PCDHGA2: variants seen among roughly 807,000 people sequenced by gnomAD.
PCDHGA2 encodes the protein protocadherin gamma subfamily A, 2.
PCDHGA2 carries 40 observed loss-of-function variants against 59.2 expected under a neutral mutation model. The ratio of observed to expected loss-of-function variants is 0.68; its 90% confidence interval spans 0.52 to 0.88. The LOEUF is 0.88. Ranked by LOEUF, PCDHGA2 falls within the 40% of genes least tolerant of loss-of-function variation. PCDHGA2 has a pLI of 0.00. For synonymous variants in PCDHGA2, 560 were observed against 526.0 expected, an observed-to-expected ratio of 1.06 and a Z score of -0.89; for missense variants, 1,226 against 1,204.0, an observed-to-expected ratio of 1.02 and a Z score of -0.27.
chr5:141,412,020 C>G (rs1158851404), intron 1 of PCDHGA2: 1 of 145,358 alleles, frequency 6.9e-6, no homozygotes, highest in Non-Finnish European at 1.5e-5. Context: ...TCTGAACATC[C>G]TGTTCTCTGT....
chr5:141,378,991 T>C (rs530834817), intron 1 of PCDHGA2: 34 of 152,352 alleles, frequency 2.2e-4, no homozygotes, highest in African/African-American at 7.7e-4. Flanking sequence ...AACTACATTA[T>C]AGTCAAGATT....
intron 1 of PCDHGA2, chr5:141,357,307 G>C: frequency 6.2e-7 from 1 of 1,614,042 alleles, no homozygotes; most frequent in Non-Finnish European, 8.5e-7. Context: ...TGTCTCCTGC[G>C]TCTTCCTGGC....
intron 1 of PCDHGA2, chr5:141,392,647 C>A: frequency 1.5e-6 from 1 of 685,816 alleles, no homozygotes; most frequent in Non-Finnish European, 2.3e-6. Flanking sequence ...CTCACGAAGA[C>A]CCGCAGATGC....
At chr5:141,427,957 C>A in intron 1 of PCDHGA2, 2 of 1,588,400 alleles carry the variant, frequency 1.3e-6, no homozygotes, top group Non-Finnish European at 1.7e-6. Flanking sequence ...GACAATGTGC[C>A]GCGGGTGCTG....
Position 141,405,346 on chromosome 5 carries a change from G to T in PCDHGA2, c.2424+63951G>T, listed in dbSNP as rs184640789. 60 of 1,614,108 alleles carry T rather than the reference G, an allele frequency of 3.7e-5. No individual in the cohort carries two copies. The East Asian group carries it at 1.3e-3, about 35-fold the overall frequency. The stretch of plus-strand genomic sequence containing the variant: ...CTTTGTGCGTCTCTGTTGATTCCAA[G>T]TTTCCTATAGAAGACACCCCTTTGG... On this transcript the variant is annotated intron_variant, in intron 1 of 3. Transcript: ENST00000394576.
rs561329093 is a variant in PCDHGA2 at position 141,509,163 on chromosome 5, C to A, written c.2573-1784C>A. Among the ~76,000 whole-genome samples the A allele has an allele frequency of 1.4e-4, 21 of 152,322 alleles. No individual in the cohort carries two copies. In the South Asian group the frequency reaches 4.1e-3, roughly 30 times the overall value. On this transcript the variant is annotated intron_variant, in intron 3 of 3. Coordinates refer to ENST00000394576, the MANE Select transcript of PCDHGA2 (RefSeq NM_018915.4). ...CATCCCGGCTCTCCCCTCCCGTGTG[C>A]CCTCCTCCTCTTATGCCGGCTTGAA...
Position 141,419,699 on chromosome 5 carries a change from C to G in PCDHGA2, c.2425-75108C>G, listed in dbSNP as rs1488905080. ...CTACCACGTGGTGCAGGCCAGTGAG[C>G]CCGGGCTCTTCAGCCTGGGGCTGCG... On this transcript the variant is annotated intron_variant, in intron 1 of 3. Coordinates refer to ENST00000394576, the MANE Select transcript of PCDHGA2 (RefSeq NM_018915.4). The G allele has an allele frequency of 5.6e-6, 9 of 1,612,806 alleles. No homozygotes were observed. The East Asian group carries it at 1.8e-4, about 32-fold the overall frequency.
rs2233612 is a variant in PCDHGA2 at position 141,511,014 on chromosome 5, A to G, written c.2640A>G (p.Gly880=). 8.6e-4 allele frequency: 1,386 copies of G among 1,614,082 alleles called. 14 individuals are homozygous for G. The African/African-American group carries it at 0.017, about 20-fold the overall frequency. The change falls in exon 4 of 4, where the codon GGA becomes GGG. Residue 880 remains glycine, a synonymous_variant. Coordinates refer to ENST00000394576, the MANE Select transcript of PCDHGA2 (RefSeq NM_018915.4). ...AGTMGLSARY[G]PQFTLQHVPD... ...CCATGGGATTGAGCGCCCGCTACGG[A>G]CCCCAGTTCACCCTGCAGCACGTGC...
chr5:141,344,461 G>C, intron 1 of PCDHGA2: 1 of 1,613,820 alleles, frequency 6.2e-7, no homozygotes, highest in Non-Finnish European at 8.5e-7. Context: ...ATAAAAATTG[G>C]TGAACTAACG....
At chr5:141,473,942 G>A (rs1419813166) in intron 1 of PCDHGA2, among the ~76,000 whole-genome samples, 3 of 152,124 alleles carry the variant, frequency 2.0e-5, no homozygotes, top group Non-Finnish European at 2.9e-5. Flanking sequence ...AGTAGCTCAG[G>A]CCTGTAGTCC....
rs1757012324 is a variant in PCDHGA2 at position 141,341,021 on chromosome 5, C to T, written c.2050C>T (p.Pro684Ser). 4 of 1,614,032 alleles carry T rather than the reference C, an allele frequency of 2.5e-6. No individual in the cohort carries two copies. The African/African-American group carries it at 5.3e-5, about 22-fold the overall frequency. Residue 684 changes from proline (P) to serine (S), a missense_variant, in exon 1 of 4, where the codon CCC becomes TCC. Transcript: ENST00000394576. ...GGGCAGCCTCGAGCCCTCCGCCATACCCAACGATTCGGACCTCACTCTGTA... is the reference window on the plus strand; with the variant it reads ...GGGCAGCCTCGAGCCCTCCGCCATATCCAACGATTCGGACCTCACTCTGTA... The part of the protein sequence containing the change: ...DLGSLEPSAI[P>S]NDSDLTLYLV...
chr5:141,419,192 G>A (rs772847766), intron 1 of PCDHGA2: 65 of 1,613,816 alleles, frequency 4.0e-5, no homozygotes, highest in Middle Eastern at 1.6e-4. Context: ...CATTACTGAC[G>A]TCAATGACAA....
At chr5:141,423,167 T>C in intron 1 of PCDHGA2, 1 of 1,613,424 alleles carries the variant, frequency 6.2e-7, no homozygotes, top group Non-Finnish European at 8.5e-7. Context: ...GTGGTGGCCG[T>C]CCAGGACCAC....
chr5:141,378,077 T>A (rs955421264), intron 1 of PCDHGA2: 1 of 152,136 alleles, frequency 6.6e-6, no homozygotes, highest in Non-Finnish European at 1.5e-5. Flanking sequence ...AGAAAATAAT[T>A]TTATAACTTT....
intron 1 of PCDHGA2, among the ~76,000 whole-genome samples, chr5:141,461,366 A>G (rs1186381077): frequency 6.6e-6 from 1 of 151,964 alleles, no homozygotes; most frequent in Non-Finnish European, 1.5e-5. Flanking sequence ...TTGTGGTTTT[A>G]ATTTGCATTT....
At chr5:141,356,453 A>T (rs757674087) in intron 1 of PCDHGA2, 1 of 1,613,360 alleles carries the variant, frequency 6.2e-7, no homozygotes. Context: ...GTCTCAGAAT[A>T]TAACATCACT....
At chr5:141,381,244 C>T (rs554184818) in intron 1 of PCDHGA2, among the ~76,000 whole-genome samples, 2 of 152,360 alleles carry the variant, frequency 1.3e-5, no homozygotes, top group African/African-American at 4.8e-5. Flanking sequence ...TCTCCAGGAC[C>T]TAGAAGAATT....
At chr5:141,439,524 A>T (rs774174912) in intron 1 of PCDHGA2, among the ~76,000 whole-genome samples, 2 of 152,114 alleles carry the variant, frequency 1.3e-5, no homozygotes, top group Admixed American at 6.5e-5. Flanking sequence ...AACTAACTCT[A>T]CAGAACGCTG....
chr5:141,341,064 C>T lies in PCDHGA2; in HGVS notation c.2093C>T (p.Ala698Val). ...DLTLYLVVAV[A>V]AVSCVFLAFV... ...ACTCTGTACCTGGTGGTGGCGGTGG[C>T]CGCGGTCTCCTGCGTCTTCCTGGCC... Residue 698 changes from alanine to valine, a missense_variant, in exon 1 of 4, where the codon GCC becomes GTC. Transcript: ENST00000394576. 6.2e-7 allele frequency: 1 copy of T among 1,614,186 alleles called. No individual in the cohort carries two copies. The highest frequency in any genetic ancestry group is 1.3e-5 in the African/African-American group (1 of 75,052).
Sources: gnomAD v4.1 joint callset for allele counts (sites outside exome capture counted in the v4.1 genomes callset) on GRCh38, gnomAD v4.1.1 for gene constraint, MANE v1.5 for transcripts, NCBI Gene and HGNC (gene_info 2026-07-23, HGNC 2026-07-21) for gene names.